The following AMACR variants were observed in gnomAD, a reference collection of about 807,000 sequenced individuals.
The protein encoded by AMACR is alpha-methylacyl-CoA racemase, also known as 2-methylacyl-CoA racemase.
Under a neutral mutation model 22.2 loss-of-function variants are expected in AMACR, and 18 were observed. That is an observed-to-expected ratio of 0.81 (90% CI 0.56 to 1.20). The LOEUF (loss-of-function observed/expected upper bound fraction) is 1.20, where lower values mean the gene tolerates loss of function less well. Among genes scored for constraint, AMACR ranks in the 50% most tolerant of loss-of-function variants. AMACR has a pLI of 0.00. For synonymous variants in AMACR, 213 were observed against 191.3 expected, an observed-to-expected ratio of 1.11 and a Z score of -0.94; for missense variants, 499 against 490.6, an observed-to-expected ratio of 1.02 and a Z score of -0.16.
intron 4 of AMACR, among the ~76,000 whole-genome samples, chr5:33,993,327 G>A (rs998094908): frequency 6.6e-6 from 1 of 151,728 alleles, no homozygotes; most frequent in Non-Finnish European, 1.5e-5. Context: ...TTCATCTGTT[G>A]ATGGACACTT....
chr5:33,995,128 C>A (rs1411892259), intron 4 of AMACR, among the ~76,000 whole-genome samples: 2 of 152,206 alleles, frequency 1.3e-5, no homozygotes, highest in Non-Finnish European at 2.9e-5. Context: ...TCCATCCTGC[C>A]TTGGACATGA....
intron 3 of AMACR, among the ~76,000 whole-genome samples, chr5:33,999,269 T>C (rs1432960776): frequency 6.6e-6 from 1 of 152,214 alleles, no homozygotes; most frequent in Admixed American, 6.5e-5. Flanking sequence ...GTATAAACCA[T>C]ACCACATTTT....
At chr5:33,996,191 G>A (rs987265268) in intron 4 of AMACR, among the ~76,000 whole-genome samples, 4 of 151,796 alleles carry the variant, frequency 2.6e-5, no homozygotes, top group African/African-American at 7.3e-5. Flanking sequence ...ATATTTTATC[G>A]CAGCTGTCTT....
intron 4 of AMACR, among the ~76,000 whole-genome samples, chr5:33,991,702 C>T (rs1203379817): frequency 6.7e-6 from 1 of 148,218 alleles, no homozygotes; most frequent in African/African-American, 2.5e-5. Context: ...GATATATGTC[C>T]AGGATGGCAA....
intron 4 of AMACR, chr5:33,997,295 T>G (rs1197597252): frequency 1.3e-6 from 1 of 773,052 alleles, no homozygotes; most frequent in African/African-American, 1.7e-5. Context: ...TGAAGGAAAC[T>G]GAAGCATCCC....
intron 1 of AMACR, 85 bp downstream of exon 1, chr5:34,007,688 G>C: frequency 6.9e-7 from 1 of 1,445,442 alleles, no homozygotes; most frequent in Admixed American, 2.6e-5. Context: ...GGGCAAAGGT[G>C]TGGCGGGTGC....
In AMACR at chr5:33,998,589, A is replaced by G. The variant is rs529626592; in HGVS notation, c.739+52T>C. ...CCAAAAGTCTTTAAAATAGAACCAA[A>G]GAACATCCACAGCAAAAGGGGAACT... On this transcript the variant is annotated intron_variant, in intron 4 of 4. Coordinates refer to ENST00000335606, the MANE Select transcript of AMACR (RefSeq NM_014324.6). 3.7e-5 allele frequency: 57 copies of G among 1,536,870 alleles called. No homozygotes were observed. In the Admixed American group the frequency reaches 6.8e-4, roughly 18 times the overall value.
At chr5:34,005,668 T>G in intron 2 of AMACR, 88 bp downstream of exon 2, 1 of 1,506,198 alleles carries the variant, frequency 6.6e-7, no homozygotes, top group South Asian at 1.2e-5. Context: ...GTTTAAATTT[T>G]TACCTTTACA....
At chr5:33,998,616 G>C (rs1214911912) in intron 4 of AMACR, 25 bp downstream of exon 4, 7 of 1,582,606 alleles carry the variant, frequency 4.4e-6, no homozygotes, top group Non-Finnish European at 6.0e-6. Flanking sequence ...AGGGGAACTG[G>C]GGGAGACGCG....
chr5:34,002,888 TC>T (rs1753860781), intron 3 of AMACR, among the ~76,000 whole-genome samples: 1 of 152,082 alleles, frequency 6.6e-6, no homozygotes, highest in Non-Finnish European at 1.5e-5. Flanking sequence ...GATGACAGTG[TC>T]CCACAGGCAC....
Position 34,002,485 on chromosome 5 carries a change from T to C in AMACR, c.552+2089A>G, listed in dbSNP as rs150272995. 1.8e-4 allele frequency among the ~76,000 whole-genome samples: 27 copies of C among 152,338 alleles called. 1 individual carries two copies. The East Asian group carries it at 5.0e-3, about 28-fold the overall frequency. On this transcript the variant is annotated intron_variant, in intron 3 of 4. Coordinates refer to ENST00000335606, the MANE Select transcript of AMACR (RefSeq NM_014324.6). ...CCCAAGACTCCATGTTTGCTCTTAG[T>C]TCATTCCTTTTGGACCCCAGGGACC...
At position 33,998,745 on chromosome 5, in the gene AMACR, A is replaced by G. The variant is rs145475619; in HGVS notation, c.635T>C (p.Met212Thr). Residue 212 changes from methionine (M) to threonine (T), a missense_variant, in exon 4 of 5, where the codon ATG becomes ACG. By Grantham distance (81) the Met-to-Thr change is moderately conservative (BLOSUM62 -1). Coordinates refer to ENST00000335606, the MANE Select transcript of AMACR (RefSeq NM_014324.6). ...SLWEAPRGQNMLDGGAPFYTT... is the reference protein window; with the variant it reads ...SLWEAPRGQNTLDGGAPFYTT... ...ATAGAAAGGTGCTCCACCATCCAAC[A>G]TGTTCTGTCCTCGAGGTGCTTCCCA... is the stretch of plus-strand genomic sequence containing the variant. The G allele has an allele frequency of 6.7e-5, 108 of 1,614,126 alleles. No homozygotes were observed. Among genetic ancestry groups the G allele is most frequent in the Non-Finnish European group, 9.2e-5 (108 of 1,180,014 alleles).
intron 1 of AMACR, among the ~76,000 whole-genome samples, chr5:34,007,213 C>T (rs569573789): frequency 2.6e-5 from 4 of 152,322 alleles, no homozygotes; most frequent in African/African-American, 9.6e-5. Context: ...CCTGTGTATG[C>T]CAGCGTCTGC....
intron 4 of AMACR, among the ~76,000 whole-genome samples, chr5:33,996,672 C>G (rs751803672): frequency 6.6e-6 from 1 of 152,086 alleles, no homozygotes; most frequent in Non-Finnish European, 1.5e-5. Context: ...GAGACTGAAG[C>G]AGGAGAATCA....
At chr5:33,998,534 G>A in intron 4 of AMACR, 107 bp downstream of exon 4, 5 of 1,145,226 alleles carry the variant, frequency 4.4e-6, no homozygotes, top group Non-Finnish European at 6.2e-6. Context: ...TAATTAGAAA[G>A]TGGCTATATA....
At chr5:33,998,509 T>C (rs1047555585) in intron 4 of AMACR, 132 bp downstream of exon 4, 1 of 856,016 alleles carries the variant, frequency 1.2e-6, no homozygotes, top group Non-Finnish European at 1.8e-6. Context: ...ATTATATTGA[T>C]GGCTATAATT....
At chr5:33,999,492 G>A (rs190919358) in intron 3 of AMACR, among the ~76,000 whole-genome samples, 4 of 152,210 alleles carry the variant, frequency 2.6e-5, no homozygotes, top group African/African-American at 9.6e-5. Context: ...ATCTCATCAC[G>A]CCACCTTCCC....
In AMACR at chr5:34,005,912, G is replaced by C; in HGVS notation, c.248-13C>G. ...TTCTCCATGACACCTTAAGAGAAAA[G>C]TAACGATCTTCTTAAGAGAGTATGA... On this transcript the variant is annotated splice_polypyrimidine_tract_variant and intron_variant, in intron 1 of 4. Transcript: ENST00000335606. 6.2e-7 allele frequency: 1 copy of C among 1,614,036 alleles called. No homozygotes were observed. The highest frequency in any genetic ancestry group is 8.5e-7 in the Non-Finnish European group (1 of 1,179,998).
Position 34,007,741 on chromosome 5 carries a change from TCCCGAGAGCAGCCCGCGGGGCC to T in AMACR, c.247+10_247+31del, listed in dbSNP as rs1470120755. The T allele has an allele frequency of 3.3e-6, 5 of 1,524,870 alleles. No homozygotes were observed. The highest frequency in any genetic ancestry group is 2.6e-6 in the Non-Finnish European group (3 of 1,141,336). 94.5% of individuals were successfully genotyped at this position (1,524,870 alleles called of 1,614,324 possible). On this transcript the variant is annotated intron_variant, in intron 1 of 4. Coordinates refer to ENST00000335606, the MANE Select transcript of AMACR (RefSeq NM_014324.6). ...CAGGCCCCTCCCCTCCGCGGGAACT[TCCCGAGAGCAGCCCGCGGGGCC>T]CGGGCTCACCGCGGCGGAAGGGCTC...
Sources: allele counts gnomAD v4.1 joint callset (sites outside exome capture counted in the v4.1 genomes callset), GRCh38; gene constraint gnomAD v4.1.1; transcripts MANE v1.5; gene names NCBI Gene and HGNC (gene_info 2026-07-23, HGNC 2026-07-21).